The following FAM114A1 variants were observed in gnomAD, a reference collection of about 807,000 sequenced individuals.
FAM114A1 encodes the protein protein NOXP20.
Under a neutral mutation model 64.3 loss-of-function variants are expected in FAM114A1, and 62 were observed. That is an observed-to-expected ratio of 0.96 (90% CI 0.79 to 1.19). FAM114A1 has a LOEUF of 1.19. Among genes scored for constraint, FAM114A1 ranks in the 50% most tolerant of loss-of-function variants. The probability of loss-of-function intolerance (pLI) is 0.00; values close to 1 mark genes in which losing one functional copy is unlikely to be tolerated. For missense variants in FAM114A1, 645 were observed against 676.3 expected (o/e 0.95, Z 0.51); for synonymous variants, 254 against 251.1 (o/e 1.01, Z -0.11).
chr4:38,920,213 A>T (rs1397737433), intron 8 of FAM114A1, among the ~76,000 whole-genome samples: 1 of 152,134 alleles, frequency 6.6e-6, no homozygotes, highest in Non-Finnish European at 1.5e-5. Flanking sequence ...CTCAAAAAAA[A>T]AAAAGAACAG....
At chr4:38,932,121 C>T (rs938834679) in intron 11 of FAM114A1, 114 bp from the exon 12 acceptor site, 37 of 1,169,352 alleles carry the variant, frequency 3.2e-5, no homozygotes, top group Non-Finnish European at 3.8e-5. Context: ...TTAACTATTT[C>T]GGGTTATATT....
chr4:38,897,454 A>C (rs980708324), intron 4 of FAM114A1, among the ~76,000 whole-genome samples: 1 of 152,242 alleles, frequency 6.6e-6, no homozygotes, highest in Non-Finnish European at 1.5e-5. Context: ...GGTTAAGGGA[A>C]AATGAGAAAA....
At chr4:38,871,103 T>C (rs1714034390) in intron 2 of FAM114A1, among the ~76,000 whole-genome samples, 1 of 147,574 alleles carries the variant, frequency 6.8e-6, no homozygotes, top group African/African-American at 2.5e-5. Flanking sequence ...TTTTTTTTTT[T>C]TTTTGCGACA....
At chr4:38,930,033 C>T (rs756277551) in intron 10 of FAM114A1, among the ~76,000 whole-genome samples, 39 of 152,188 alleles carry the variant, frequency 2.6e-4, no homozygotes, top group African/African-American at 5.8e-4. Context: ...AATTTCACCC[C>T]GCCCCCCTTC....
intron 4 of FAM114A1, among the ~76,000 whole-genome samples, chr4:38,901,507 G>A (rs1370128331): frequency 2.6e-5 from 4 of 152,142 alleles, no homozygotes; most frequent in African/African-American, 4.8e-5. Context: ...GGCCAGGATG[G>A]TCTCGAACTC....
chr4:38,879,567 G>A (rs55808427), intron 3 of FAM114A1, among the ~76,000 whole-genome samples: 41,663 of 151,982 alleles, frequency 0.27, 6,083 homozygotes, highest in African/African-American at 0.31. Context: ...TTCTCAAGGG[G>A]TTTGACCCTC....
chr4:38,943,338 G>T, intron 14 of FAM114A1, 118 bp from the exon 15 acceptor site: 1 of 799,410 alleles, frequency 1.3e-6, no homozygotes. Context: ...AATATTGCAA[G>T]ATAAATATAA....
rs190205277 is a variant in FAM114A1 at position 38,884,141 on chromosome 4, T to C, written c.348+5715T>C. On this transcript the variant is annotated intron_variant, in intron 3 of 14. Coordinates refer to ENST00000358869, the MANE Select transcript of FAM114A1 (RefSeq NM_138389.4). ...GGGGTACGGGGAATAATTGAGAAGA[T>C]GGTGAGTTCAGTTGGTTTTTGGTTT... 8.2e-4 allele frequency among the ~76,000 whole-genome samples: 125 copies of C among 152,306 alleles called. 1 individual carries two copies. The highest frequency in any genetic ancestry group is 6.8e-3 in the Middle Eastern group (2 of 294).
Position 38,936,143 on chromosome 4 carries a change from G to A in FAM114A1, c.1536+353G>A, listed in dbSNP as rs192949370. Among the ~76,000 whole-genome samples the A allele has an allele frequency of 6.7e-3, 1,021 of 151,374 alleles. 13 individuals carry two copies. The highest frequency in any genetic ancestry group is 0.023 in the African/African-American group (952 of 41,254). Reference sequence around the variant, plus strand: ...AGTTTTGCTCTGGTGCCCAGGCTGGGGTGCAGTGGCGCGATCTCGGCTCAC... The same window carrying A: ...AGTTTTGCTCTGGTGCCCAGGCTGGAGTGCAGTGGCGCGATCTCGGCTCAC... On this transcript the variant is annotated intron_variant, in intron 13 of 14. Transcript: ENST00000358869.
At chr4:38,907,898 GTC>G (rs1434976552) in intron 6 of FAM114A1, among the ~76,000 whole-genome samples, 1 of 152,184 alleles carries the variant, frequency 6.6e-6, no homozygotes, top group African/African-American at 2.4e-5. Flanking sequence ...GTGTGAGTAA[GTC>G]TGGGTTATTT....
At chr4:38,914,514 C>A (rs60760069) in intron 7 of FAM114A1, 10,487 of 153,740 alleles carry the variant, frequency 0.068, 957 homozygotes, top group African/African-American at 0.2. Context: ...TGCAGGGAGC[C>A]GAGACTGTGC....
intron 3 of FAM114A1, among the ~76,000 whole-genome samples, chr4:38,889,591 T>G (rs1716129214): frequency 6.6e-6 from 1 of 152,218 alleles, no homozygotes; most frequent in Admixed American, 6.5e-5. Context: ...TTATGGCTCT[T>G]ATGCCACTAT....
intron 4 of FAM114A1, among the ~76,000 whole-genome samples, chr4:38,892,611 C>A (rs1477627769): frequency 2.6e-5 from 4 of 152,136 alleles, no homozygotes; most frequent in African/African-American, 9.7e-5. Flanking sequence ...GAAGGTATAA[C>A]ATCAATATGT....
intron 12 of FAM114A1, among the ~76,000 whole-genome samples, chr4:38,933,331 A>C (rs1720818099): frequency 6.6e-6 from 1 of 152,218 alleles, no homozygotes. Flanking sequence ...GGGTAATTAC[A>C]TTTTCAACAT....
rs7695192 is a variant in FAM114A1, at chr4:38,913,658, A to G, written c.793-1263A>G. ...GCCCATCTCAGCCTCCCGAAGTACTAGAATTACAGGTGTGAGCCACCGTGC... is the reference window on the plus strand; with the variant it reads ...GCCCATCTCAGCCTCCCGAAGTACTGGAATTACAGGTGTGAGCCACCGTGC... On this transcript the variant is annotated intron_variant, in intron 7 of 14. Coordinates refer to ENST00000358869, the MANE Select transcript of FAM114A1 (RefSeq NM_138389.4). 4.9e-3 allele frequency among the ~76,000 whole-genome samples: 744 copies of G among 152,198 alleles called. 8 individuals carry two copies. The highest frequency in any genetic ancestry group is 0.017 in the African/African-American group (698 of 41,538).
chr4:38,873,716 G>C (rs1452235687), intron 2 of FAM114A1, among the ~76,000 whole-genome samples: 1 of 152,216 alleles, frequency 6.6e-6, no homozygotes, highest in African/African-American at 2.4e-5. Flanking sequence ...AGGGTCTCTT[G>C]TGGATGTGCC....
At chr4:38,936,625 T>C (rs915825819) in intron 13 of FAM114A1, among the ~76,000 whole-genome samples, 1 of 146,472 alleles carries the variant, frequency 6.8e-6, no homozygotes, top group Non-Finnish European at 1.5e-5. Context: ...CAATATCGGC[T>C]CACCGCAGCC....
At chr4:38,886,362 G>T (rs959920096) in intron 3 of FAM114A1, among the ~76,000 whole-genome samples, 1 of 151,386 alleles carries the variant, frequency 6.6e-6, no homozygotes, top group African/African-American at 2.4e-5. Context: ...GTAGAGACGG[G>T]GTTTCACCTT....
chr4:38,922,894 G>A lies in FAM114A1; in HGVS notation c.1069+1G>A. On this transcript the variant is annotated splice_donor_variant, in intron 9 of 14. Coordinates refer to ENST00000358869, the MANE Select transcript of FAM114A1 (RefSeq NM_138389.4). LOFTEE classifies it high-confidence loss of function. ...AATGAAGAAAATCAAGAAGAACAAGGTAAAGGAAAATAACTTAAATAGCAA... is the reference window on the plus strand; with the variant it reads ...AATGAAGAAAATCAAGAAGAACAAGATAAAGGAAAATAACTTAAATAGCAA... The A allele has an allele frequency of 6.2e-7, 1 of 1,603,900 alleles. No homozygotes were observed. The highest frequency in any genetic ancestry group is 8.5e-7 in the Non-Finnish European group (1 of 1,177,198).
Sources: allele counts gnomAD v4.1 joint callset (sites outside exome capture counted in the v4.1 genomes callset), GRCh38; gene constraint gnomAD v4.1.1; transcripts MANE v1.5; gene names NCBI Gene and HGNC (gene_info 2026-07-23, HGNC 2026-07-21).